ATG2A: variants seen among roughly 807,000 people sequenced by gnomAD.
ATG2A encodes the protein autophagy related 2A, also known as autophagy-related protein 2 homolog A.
ATG2A carries 103 observed loss-of-function variants against 214.2 expected under a neutral mutation model. The ratio of observed to expected loss-of-function variants is 0.48; its 90% CI spans 0.41 to 0.57. ATG2A has a LOEUF of 0.57. Ranked by LOEUF, ATG2A falls within the 20% of genes least tolerant of loss-of-function variation. The pLI, the probability that ATG2A is intolerant of heterozygous loss-of-function variation, is 0.00. For synonymous variants in ATG2A, 1,160 were observed against 1,142.1 expected (o/e 1.02, Z -0.32); for missense variants, 2,312 against 2,613.2 (o/e 0.88, Z 2.51).
chr11:64,906,536 G>C lies in ATG2A; in HGVS notation c.2984-3C>G, dbSNP rs1944556824. 6.2e-7 allele frequency: 1 copy of C among 1,612,520 alleles called. No homozygotes were observed. The highest frequency in any genetic ancestry group is 8.5e-7 in the Non-Finnish European group (1 of 1,179,634). On this transcript the variant is annotated splice_region_variant and splice_polypyrimidine_tract_variant and intron_variant, in intron 20 of 40. Coordinates refer to ENST00000377264, the MANE Select transcript of ATG2A (RefSeq NM_015104.3). ...CAGCGGGTAGTCATCCACGGCCGCT[G>C]GGGAGGGGTCTCATGAGCCCCCTGC...
chr11:64,915,416 G>A (rs1044087550), intron 1 of ATG2A, among the ~76,000 whole-genome samples: 3 of 152,186 alleles, frequency 2.0e-5, no homozygotes, highest in African/African-American at 7.2e-5. Flanking sequence ...CTGAGGCCTA[G>A]AGACAGGACT....
In ATG2A at chr11:64,909,315, T is replaced by C; in HGVS notation, c.2160A>G (p.Lys720=). ...GCCCAGTGCTCTTGGGGTCCAGGGCTTTGGAGACACGCAGGCAAGGGACAG... is the reference window on the plus strand; with the variant it reads ...GCCCAGTGCTCTTGGGGTCCAGGGCCTTGGAGACACGCAGGCAAGGGACAG... ...KPPVPCLRVS[K]ALDPKSTGRK... The change falls in exon 15 of 41, where the codon AAA becomes AAG. Residue 720 remains lysine (K), a synonymous_variant. Coordinates refer to ENST00000377264, the MANE Select transcript of ATG2A (RefSeq NM_015104.3). The C allele has an allele frequency of 6.2e-7, 1 of 1,613,652 alleles. No individual in the cohort carries two copies. The highest frequency in any genetic ancestry group is 1.1e-5 in the South Asian group (1 of 91,082).
rs748033912 is a variant in ATG2A at position 64,901,003 on chromosome 11, C to T, written c.4209G>A (p.Thr1403=). The T allele has an allele frequency of 6.3e-6, 10 of 1,590,066 alleles. No homozygotes were observed. Among genetic ancestry groups the T allele is most frequent in the Admixed American group, 1.7e-5 (1 of 57,244 alleles). ...AATGGGCAGGTGCCCGCAGCAAGTC[C>T]GTGCTGCCGATCGGCCGTGAGAAGT... ...DGYFSRPIGS[T]DLLRAPAHFP... Residue 1403 remains threonine (T), a synonymous_variant, in exon 30 of 41, where the codon ACG becomes ACA. Coordinates refer to ENST00000377264, the MANE Select transcript of ATG2A (RefSeq NM_015104.3).
chr11:64,905,608 G>A lies in ATG2A; in HGVS notation c.3419C>T (p.Thr1140Ile). 1 of 1,613,714 alleles carries A rather than the reference G, an allele frequency of 6.2e-7. No homozygotes were observed. The highest frequency in any genetic ancestry group is 8.5e-7 in the Non-Finnish European group (1 of 1,179,876). ...GTCCATGATGATGTTGCTGGAGAGAGTGAAGGTCTCCGCGGTGATGAGGAC... is the reference window on the plus strand; with the variant it reads ...GTCCATGATGATGTTGCTGGAGAGAATGAAGGTCTCCGCGGTGATGAGGAC... ...VRVLITAETF[T>I]LSSNIIMDTS... The change falls in exon 24 of 41, where the codon ACT (threonine) becomes ATT (isoleucine). Residue 1140 changes from threonine (T) to isoleucine (I), a missense_variant. Coordinates refer to ENST00000377264, the MANE Select transcript of ATG2A (RefSeq NM_015104.3).
At chr11:64,916,878 TC>T in intron 1 of ATG2A, 86 bp downstream of exon 1, 1 of 1,549,782 alleles carries the variant, frequency 6.5e-7, no homozygotes. Flanking sequence ...CGGTGCCTGA[TC>T]CCCCAGCCCG....
At chr11:64,907,461 G>C in intron 18 of ATG2A, 22 bp from the exon 19 acceptor site, 2 of 1,607,718 alleles carry the variant, frequency 1.2e-6, no homozygotes, top group East Asian at 4.5e-5. Context: ...ACCGCGAAGG[G>C]CTAGCCTGGC....
intron 37 of ATG2A, 52 bp from the exon 38 acceptor site, chr11:64,896,921 G>T: frequency 6.2e-7 from 1 of 1,603,166 alleles, no homozygotes; most frequent in Non-Finnish European, 8.5e-7. Context: ...GCCACACATG[G>T]AGGGATTGTG....
rs772855188 is a variant in ATG2A at position 64,894,903 on chromosome 11, G to C, written c.*70C>G. On this transcript the variant is annotated 3_prime_UTR_variant, in exon 41 of 41. Transcript: ENST00000377264. ...TGAAGGGCCAGGCCGGGCCGGGCCC[G>C]TGGGCTGCAGCTCTTGGGAGGCTCA... The C allele has an allele frequency of 3.2e-6, 5 of 1,575,030 alleles. No homozygotes were observed. The South Asian group carries it at 4.4e-5, about 14-fold the overall frequency.
At position 64,913,642 on chromosome 11, in the gene ATG2A, T is replaced by G. The variant is rs1224039246; in HGVS notation, c.590+179A>C. 5.1e-6 allele frequency: 4 copies of G among 780,050 alleles called. No homozygotes were observed. Among genetic ancestry groups the G allele is most frequent in the Non-Finnish European group, 8.1e-6 (4 of 496,374 alleles). 48.3% of individuals were successfully genotyped at this position (780,050 alleles called of 1,614,324 possible). A position where few individuals can be genotyped will look rare whatever the true frequency, so the allele number is the denominator to read the frequency against. The stretch of plus-strand genomic sequence containing the variant: ...TCGGCCACTCTGGGCCTGTATCACC[T>G]GGCCTCTGGACACCAGTCCGGGCTC... On this transcript the variant is annotated intron_variant, in intron 4 of 40. Transcript: ENST00000377264. The surrounding 1 kb of genome is among the most constrained non-coding windows in gnomAD (Gnocchi z 4.3).
intron 7 of ATG2A, 35 bp downstream of exon 7, chr11:64,912,292 A>AGCCACCCCACCCCCAT: frequency 1.7e-6 from 1 of 593,944 alleles, no homozygotes. Flanking sequence ...TGGCCCTCCC[A>AGCCACCCCACCCCCAT]GCCACCCCAC....
At position 64,899,523 on chromosome 11, in the gene ATG2A, C is replaced by T. The variant is rs1441262457; in HGVS notation, c.4465-681G>A. ...CCCCTCTGCCCTTTGCCTCTAGCGG[C>T]TCCTTGGGAAGCCCAGCACTGGCCT... On this transcript the variant is annotated intron_variant, in intron 31 of 40. Transcript: ENST00000377264. Among the ~76,000 whole-genome samples the T allele has an allele frequency of 1.1e-4, 16 of 152,292 alleles. No homozygotes were observed. The South Asian group carries it at 2.9e-3, about 28-fold the overall frequency.
rs1232249948 is a variant in ATG2A at position 64,904,308 on chromosome 11, A to C, written c.3465-648T>G. 2.6e-5 allele frequency among the ~76,000 whole-genome samples: 4 copies of C among 151,946 alleles called. No homozygotes were observed. The East Asian group carries it at 7.7e-4, about 29-fold the overall frequency. ...ATGCCTATAATCCCAGCACTTTTGG[A>C]GGCCAAGGCAGGCGGATCACGAGGT... On this transcript the variant is annotated intron_variant, in intron 24 of 40. Coordinates refer to ENST00000377264, the MANE Select transcript of ATG2A (RefSeq NM_015104.3).
intron 24 of ATG2A, 31 bp downstream of exon 24, chr11:64,905,532 G>A: frequency 6.3e-7 from 1 of 1,592,018 alleles, no homozygotes; most frequent in Admixed American, 1.8e-5. Context: ...CGGCGAGGGT[G>A]GGATGGCCCA....
chr11:64,894,653 A>G lies in ATG2A; in HGVS notation c.*320T>C. On this transcript the variant is annotated 3_prime_UTR_variant, in exon 41 of 41. Transcript: ENST00000377264. ...GGATATCATCCCCTCCTCCCCCCAGACACAGAAAGACACTTGGCTGAGTGG... is the reference window on the plus strand; with the variant it reads ...GGATATCATCCCCTCCTCCCCCCAGGCACAGAAAGACACTTGGCTGAGTGG... The G allele has an allele frequency of 1.6e-6, 1 of 640,588 alleles. No individual in the cohort carries two copies. Among genetic ancestry groups the G allele is most frequent in the Non-Finnish European group, 2.9e-6 (1 of 344,502 alleles). 39.7% of individuals were successfully genotyped at this position (640,588 alleles called of 1,614,324 possible).
chr11:64,912,837 C>A, intron 6 of ATG2A: 1 of 535,430 alleles, frequency 1.9e-6, no homozygotes. Flanking sequence ...AGATGATCCA[C>A]CCACCTTGGC....
At position 64,898,231 on chromosome 11, in the gene ATG2A, C is replaced by T. The variant is rs778089034; in HGVS notation, c.4773+30G>A. The T allele has an allele frequency of 1.2e-6, 2 of 1,613,576 alleles. No individual in the cohort carries two copies. Among genetic ancestry groups the T allele is most frequent in the Non-Finnish European group, 1.7e-6 (2 of 1,179,688 alleles). ...GAGGCCTGGAGACAGTGGGGTCACC[C>T]TAGGCTCTGCCCTCACGTAGACCAC... On this transcript the variant is annotated intron_variant, in intron 33 of 40. Transcript: ENST00000377264. The surrounding 1 kb of genome is among the most constrained non-coding windows in gnomAD (Gnocchi z 4.5).
chr11:64,914,412 GC>G lies in ATG2A; in HGVS notation c.259del (p.Ala87LeufsTer39). On this transcript the variant is annotated frameshift_variant, in exon 2 of 41. Transcript: ENST00000377264. LOFTEE classifies it high-confidence loss of function. ...TGTGCAGTGGTCGGTGAGCAGAGCA[GC>G]CCAGGGCACGGCCACCTCGATGGAG... ...VGSIEVAVPW[A>X]ALLTDHCTVR... is the part of the protein sequence containing the mutation. The G allele has an allele frequency of 6.2e-7, 1 of 1,612,348 alleles. No homozygotes were observed. The highest frequency in any genetic ancestry group is 8.5e-7 in the Non-Finnish European group (1 of 1,179,666).
In ATG2A at chr11:64,917,198, C is replaced by T; in HGVS notation, c.-63G>A. The T allele has an allele frequency of 4.6e-6, 7 of 1,509,758 alleles. No homozygotes were observed. In the South Asian group the frequency reaches 8.7e-5, roughly 19 times the overall value. The allele number at this position is 1,509,758 out of a possible 1,614,324, so 93.5% of individuals were successfully genotyped here. On this transcript the variant is annotated 5_prime_UTR_variant, in exon 1 of 41. Coordinates refer to ENST00000377264, the MANE Select transcript of ATG2A (RefSeq NM_015104.3). ...GCCCGCCGGCGATCCCCGTCCGGCT[C>T]CGCTGTTCACTAGAGCCCCCGGCTC...
At chr11:64,912,856 G>C (rs938971932) in intron 6 of ATG2A, 182 bp downstream of exon 6, 1 of 576,122 alleles carries the variant, frequency 1.7e-6, no homozygotes, top group Non-Finnish European at 3.0e-6. Flanking sequence ...GCCTCCCAAA[G>C]TGCTGGGATT....
Sources: gnomAD v4.1 joint callset for allele counts (sites outside exome capture counted in the v4.1 genomes callset) on GRCh38, gnomAD v4.1.1 for gene constraint, Gnocchi (gnomAD v3.1) non-coding constraint, MANE v1.5 for transcripts, NCBI Gene and HGNC (gene_info 2026-07-23, HGNC 2026-07-21) for gene names.